NLRP12: variants seen among roughly 807,000 people sequenced by gnomAD.
The protein encoded by NLRP12 is NACHT, LRR and PYD domains-containing protein 12.
Under a neutral mutation model 91.2 loss-of-function variants are expected in NLRP12, and 108 were observed. The observed-to-expected ratio is 1.18, with a 90% confidence interval of 1.01 to 1.39. The LOEUF (loss-of-function observed/expected upper bound fraction) is 1.39. NLRP12 is among the 40% of genes most tolerant of loss of function. The pLI is 0.00. For missense variants in NLRP12, 1,530 were observed against 1,352.7 expected, an observed-to-expected ratio of 1.13 and a Z score of -2.06; for synonymous variants, 613 against 566.7, an observed-to-expected ratio of 1.08 and a Z score of -1.16.
At chr19:53,798,830 C>A (rs1214741359) in intron 7 of NLRP12, among the ~76,000 whole-genome samples, 1 of 152,078 alleles carries the variant, frequency 6.6e-6, no homozygotes, top group Non-Finnish European at 1.5e-5. Context: ...CAACCTCCAC[C>A]TCACAAGCTC....
rs1179506251 is a variant in NLRP12 at position 53,823,923 on chromosome 19, G to T, written c.252C>A (p.Asp84Glu). 1 of 1,613,842 alleles carries T rather than the reference G, an allele frequency of 6.2e-7. No individual in the cohort carries two copies. The highest frequency in any genetic ancestry group is 1.3e-5 in the African/African-American group (1 of 74,846). The change falls in exon 1 of 10, where the codon GAC (aspartate) becomes GAA (glutamate). Residue 84 changes from aspartate to glutamate, a missense_variant. Asp to Glu is a conservative substitution (Grantham distance 45). Coordinates refer to ENST00000324134, the MANE Select transcript of NLRP12 (RefSeq NM_144687.4). The part of the protein sequence containing the change: ...LSTFERINRK[D>E]LWERGQREDL... ...CCTCTCTCTGTCCTCTCTCCCACAG[G>T]TCCTTCCTGTTTATCCGCTCAAAGG...
At chr19:53,822,474 C>G (rs555579726) in intron 1 of NLRP12, among the ~76,000 whole-genome samples, 15 of 151,468 alleles carry the variant, frequency 9.9e-5, no homozygotes, top group Non-Finnish European at 2.1e-4. Flanking sequence ...GGCTTATGCC[C>G]GTAATCCCAG....
intron 1 of NLRP12, among the ~76,000 whole-genome samples, chr19:53,819,007 C>G (rs941043943): frequency 2.0e-5 from 3 of 152,150 alleles, no homozygotes; most frequent in African/African-American, 7.2e-5. Flanking sequence ...CATCTGTCTC[C>G]TTGGGAACGC....
intron 2 of NLRP12, among the ~76,000 whole-genome samples, chr19:53,812,733 A>G (rs1004171284): frequency 7.9e-5 from 12 of 152,196 alleles, no homozygotes; most frequent in Non-Finnish European, 1.5e-4. Flanking sequence ...CTTAAAAAAA[A>G]GAATCTGAGT....
Position 53,793,999 on chromosome 19 carries a change from C to G in NLRP12, c.*50G>C. On this transcript the variant is annotated 3_prime_UTR_variant, in exon 10 of 10. Coordinates refer to ENST00000324134, the MANE Select transcript of NLRP12 (RefSeq NM_144687.4). ...ATGCTGGGGGGGTGATGAGCACCCT[C>G]CCATCTTCCTCTGTCCAGATCTCAG... 1 of 1,288,652 alleles carries G rather than the reference C, an allele frequency of 7.8e-7. No homozygotes were observed. The highest frequency in any genetic ancestry group is 1.1e-6 in the Non-Finnish European group (1 of 883,068). The allele number at this position is 1,288,652 out of a possible 1,614,324, so 79.8% of individuals were successfully genotyped here. A position where few individuals can be genotyped will look rare whatever the true frequency, so the allele number is the denominator to read the frequency against.
intron 1 of NLRP12, among the ~76,000 whole-genome samples, chr19:53,819,549 A>ATATG (rs1568696039): frequency 1.1e-4 from 13 of 113,148 alleles, no homozygotes; most frequent in Non-Finnish European, 2.1e-4. Context: ...ACGTATATAT[A>ATATG]TGTATGTATA....
chr19:53,822,259 T>C (rs1167514784), intron 1 of NLRP12, among the ~76,000 whole-genome samples: 3 of 152,080 alleles, frequency 2.0e-5, no homozygotes, highest in African/African-American at 4.8e-5. Context: ...TATATAGATA[T>C]AGATGTGTGT....
At position 53,802,227 on chromosome 19, in the gene NLRP12, CAAAT is replaced by C. The variant is rs369882676; in HGVS notation, c.2586-834_2586-831del. Reference sequence around the variant, plus strand: ...GGGCAACAAGAGTGGAACTCCATCTCAAATAAATAAATAATAAATAAAAATAAAT... The same window carrying C: ...GGGCAACAAGAGTGGAACTCCATCTCAAATAAATAATAAATAAAAATAAAT... On this transcript the variant is annotated intron_variant, in intron 6 of 9. Transcript: ENST00000324134. Among the ~76,000 whole-genome samples the C allele has an allele frequency of 8.0e-4, 121 of 151,642 alleles. No individual in the cohort carries two copies. The South Asian group carries it at 0.019, about 24-fold the overall frequency.
rs1379257772 is a variant in NLRP12, at chr19:53,798,370, A to G, written c.2800T>C (p.Ser934Pro). The change falls in exon 8 of 10, where the codon TCT becomes CCT. Residue 934 changes from serine (S) to proline (P), a missense_variant. Transcript: ENST00000324134. ...TTGTGGTTGGCCTGGAGCACCACAG[A>G]AAGACCCTCACAGGCGGCAGAGCCC... The part of the protein sequence containing the change: ...RLGSAACEGL[S>P]VVLQANHNLR... The G allele has an allele frequency of 3.7e-6, 6 of 1,614,018 alleles. No individual in the cohort carries two copies. The African/African-American group carries it at 6.7e-5, about 18-fold the overall frequency.
At position 53,807,509 on chromosome 19, in the gene NLRP12, T is replaced by C; in HGVS notation, c.2229A>G (p.Lys743=). 1 of 1,613,960 alleles carries C rather than the reference T, an allele frequency of 6.2e-7. No individual in the cohort carries two copies. The highest frequency in any genetic ancestry group is 8.5e-7 in the Non-Finnish European group (1 of 1,179,966). Residue 743 remains lysine, a synonymous_variant, in exon 4 of 10, where the codon AAA becomes AAG. Coordinates refer to ENST00000324134, the MANE Select transcript of NLRP12 (RefSeq NM_144687.4). ...LCQGLRHPNC[K]LQNLRLKRCR... ...CCTGCACTCACCTCAGGTTCTGAAG[T>C]TTGCAGTTGGGGTGTCTGAGTCCTT...
At chr19:53,801,529 T>C in intron 6 of NLRP12, 132 bp from the exon 7 acceptor site, 1 of 1,252,950 alleles carries the variant, frequency 8.0e-7, no homozygotes, top group East Asian at 2.6e-5. Flanking sequence ...TCGGCTCAGC[T>C]GCATCCTCCA....
rs752589457 is a variant in NLRP12 at position 53,801,355 on chromosome 19, C to A, written c.2628G>T (p.Leu876=). ...CRLTAAACDE[L]ASTLSVNQSL... is the part of the protein sequence containing the mutation. ...TCTGGTTCACACTGAGAGTTGAGGC[C>A]AGCTCGTCACAGGCAGCAGCAGTGA... The change falls in exon 7 of 10, where the codon CTG becomes CTT. Residue 876 remains leucine, a synonymous_variant. Coordinates refer to ENST00000324134, the MANE Select transcript of NLRP12 (RefSeq NM_144687.4). 37 of 1,613,836 alleles carry A rather than the reference C, an allele frequency of 2.3e-5. No individual in the cohort carries two copies. Among genetic ancestry groups the A allele is most frequent in the Non-Finnish European group, 3.1e-5 (37 of 1,180,010 alleles).
At position 53,807,684 on chromosome 19, in the gene NLRP12, G is replaced by A. The variant is rs1213480817; in HGVS notation, c.2073-19C>T. 6.2e-7 allele frequency: 1 copy of A among 1,613,844 alleles called. No homozygotes were observed. The highest frequency in any genetic ancestry group is 8.5e-7 in the Non-Finnish European group (1 of 1,179,950). On this transcript the variant is annotated intron_variant, in intron 3 of 9. Transcript: ENST00000324134. ...CTCTGGTCTGCTTGAAGGAAAGACA[G>A]GCCACTCTCTGGTGTTACTGGTGCT...
At position 53,824,032 on chromosome 19, in the gene NLRP12, A is replaced by G; in HGVS notation, c.143T>C (p.Met48Thr). 6.2e-7 allele frequency: 1 copy of G among 1,614,054 alleles called. No homozygotes were observed. The highest frequency in any genetic ancestry group is 8.5e-7 in the Non-Finnish European group (1 of 1,180,028). The change falls in exon 1 of 10, where the codon ATG (methionine) becomes ACG (threonine). Residue 48 changes from methionine (M) to threonine (T), a missense_variant. Transcript: ENST00000324134. ...LGEGKIPWGS[M>T]EKAGPLEMAQ... Reference sequence around the variant, plus strand: ...CATTTCCAGGGGACCGGCCTTCTCCATGCTTCCCCAGGGGATCTTGCCTTC... The same window carrying G: ...CATTTCCAGGGGACCGGCCTTCTCCGTGCTTCCCCAGGGGATCTTGCCTTC...
At chr19:53,816,452 C>T (rs531143610) in intron 1 of NLRP12, among the ~76,000 whole-genome samples, 11 of 151,782 alleles carry the variant, frequency 7.2e-5, no homozygotes, top group African/African-American at 2.4e-4. Flanking sequence ...GTCTGTGTGA[C>T]TAATAAACTG....
chr19:53,805,384 C>G lies in NLRP12; in HGVS notation c.2310G>C (p.Lys770Asn). The G allele has an allele frequency of 1.2e-6, 2 of 1,614,064 alleles. No individual in the cohort carries two copies. The highest frequency in any genetic ancestry group is 2.2e-5 in the East Asian group (1 of 44,864). ...EDLSAALIAN[K>N]NLTRMDLSGN... ...CACTGAGATCCATCCTTGTCAAATTCTTATTGGCTATGAGAGCTGCAGAGA... is the reference window on the plus strand; with the variant it reads ...CACTGAGATCCATCCTTGTCAAATTGTTATTGGCTATGAGAGCTGCAGAGA... Residue 770 changes from lysine (K) to asparagine (N), a missense_variant, in exon 5 of 10, where the codon AAG (lysine) becomes AAC (asparagine). Transcript: ENST00000324134.
In NLRP12 at chr19:53,804,068, G is replaced by T. The variant is rs12460528; in HGVS notation, c.2469C>A (p.Leu823=). The T allele has an allele frequency of 0.083, 133,385 of 1,613,674 alleles. 6,215 individuals are homozygous for T. The highest frequency in any genetic ancestry group is 0.13 in the South Asian group (11,391 of 91,064). The stretch of plus-strand genomic sequence containing the variant: ...ACTCAACCAGATGTGGGTTGGTGCC[G>T]AGCACAGAAGCCATCTCCTGACAAG... ...SGACQEMASV[L]GTNPHLVELD... Residue 823 remains leucine, a synonymous_variant, in exon 6 of 10, where the codon CTC becomes CTA. Coordinates refer to ENST00000324134, the MANE Select transcript of NLRP12 (RefSeq NM_144687.4).
chr19:53,813,150 G>C (rs977050262), intron 2 of NLRP12, among the ~76,000 whole-genome samples: 1 of 151,708 alleles, frequency 6.6e-6, no homozygotes, highest in Non-Finnish European at 1.5e-5. Context: ...CAAAGTGCTG[G>C]AATTACAGAC....
Position 53,798,409 on chromosome 19 carries a change from C to G in NLRP12, c.2761G>C (p.Gly921Arg), listed in dbSNP as rs199980950. Residue 921 changes from glycine (G) to arginine (R), a missense_variant, in exon 8 of 10, where the codon GGC (glycine) becomes CGC (arginine). Physicochemically the swap from Gly to Arg is moderately radical, Grantham distance 125 (BLOSUM62 -2). Coordinates refer to ENST00000324134, the MANE Select transcript of NLRP12 (RefSeq NM_144687.4). ...PTCKLQTLRLGICRLGSAACE... is the reference protein window; with the variant it reads ...PTCKLQTLRLRICRLGSAACE... ...GCGGCAGAGCCCAGCCGGCAGATGC[C>G]CAACCTGCAAAGACAGGATGCTAGG... is the stretch of plus-strand genomic sequence containing the variant. 193 of 1,613,844 alleles carry G rather than the reference C, an allele frequency of 1.2e-4. No homozygotes were observed. Among genetic ancestry groups the G allele is most frequent in the Non-Finnish European group, 1.6e-4 (187 of 1,179,974 alleles).
Sources: gnomAD v4.1 joint callset for allele counts (sites outside exome capture counted in the v4.1 genomes callset) on GRCh38, gnomAD v4.1.1 for gene constraint, MANE v1.5 for transcripts, NCBI Gene and HGNC (gene_info 2026-07-23, HGNC 2026-07-21) for gene names.